The following PPP2R2C variants were observed in gnomAD, a reference collection of about 807,000 sequenced individuals.
The protein encoded by PPP2R2C is protein phosphatase 2, regulatory subunit B, gamma.
Under a neutral mutation model 45.3 loss-of-function variants are expected in PPP2R2C, and 10 were observed. The ratio of observed to expected loss-of-function variants is 0.22; its 90% CI spans 0.14 to 0.37. The LOEUF is 0.37. Ranked by LOEUF, PPP2R2C falls within the 10% of genes least tolerant of loss-of-function variation. The probability of loss-of-function intolerance (pLI) is 1.00; values close to 1 mark genes in which losing one functional copy is unlikely to be tolerated. For missense variants in PPP2R2C, 308 were observed against 619.7 expected (o/e 0.50, Z 5.34); for synonymous variants, 257 against 245.4 (o/e 1.05, Z -0.44).
At chr4:6,559,797 C>T (rs577253517) in intron 1 of PPP2R2C, among the ~76,000 whole-genome samples, 10 of 152,316 alleles carry the variant, frequency 6.6e-5, no homozygotes, top group South Asian at 2.1e-4. Flanking sequence ...GAATCCGCCA[C>T]GCCTTGATCT....
At chr4:6,357,181 G>T (rs1713280845) in intron 5 of PPP2R2C, among the ~76,000 whole-genome samples, 1 of 151,858 alleles carries the variant, frequency 6.6e-6, no homozygotes, top group South Asian at 2.1e-4. Context: ...TGTCATCTGA[G>T]GCTCAGGGAG....
At chr4:6,522,267 G>A (rs570490014) in intron 2 of PPP2R2C, among the ~76,000 whole-genome samples, 6 of 152,308 alleles carry the variant, frequency 3.9e-5, no homozygotes, top group African/African-American at 1.2e-4. Context: ...ACCCCAAAAT[G>A]TAAGTACCCA....
At chr4:6,355,460 T>G (rs913510815) in intron 5 of PPP2R2C, among the ~76,000 whole-genome samples, 1 of 150,438 alleles carries the variant, frequency 6.6e-6, no homozygotes, top group Non-Finnish European at 1.5e-5. Context: ...ATGGCACATG[T>G]ATACATATGT....
intron 5 of PPP2R2C, among the ~76,000 whole-genome samples, chr4:6,365,186 C>T (rs749346781): frequency 9.8e-5 from 15 of 152,298 alleles, no homozygotes; most frequent in Middle Eastern, 3.4e-3. Context: ...AGAAGACTCT[C>T]GGCCAATGCT....
chr4:6,512,542 GTGA>G (rs1723678002), intron 2 of PPP2R2C, among the ~76,000 whole-genome samples: 5 of 125,540 alleles, frequency 4.0e-5, no homozygotes, highest in Admixed American at 8.0e-5. Flanking sequence ...GGTGATGGTG[GTGA>G]TGGTGGTGAT....
chr4:6,460,091 C>G (rs1721248173), intron 1 of PPP2R2C, among the ~76,000 whole-genome samples: 1 of 152,186 alleles, frequency 6.6e-6, no homozygotes, highest in Non-Finnish European at 1.5e-5. Flanking sequence ...CTTTAAAATA[C>G]ATAGAAGAAG....
chr4:6,562,493 A>T (rs1725613373), intron 1 of PPP2R2C, among the ~76,000 whole-genome samples: 1 of 151,524 alleles, frequency 6.6e-6, no homozygotes, highest in African/African-American at 2.4e-5. Context: ...GATATTTGAA[A>T]GCTCTTGGAA....
At chr4:6,446,019 T>TGG (rs1230297798) in intron 1 of PPP2R2C, among the ~76,000 whole-genome samples, 1 of 152,248 alleles carries the variant, frequency 6.6e-6, no homozygotes, top group Non-Finnish European at 1.5e-5. Flanking sequence ...CACATGGGTG[T>TGG]GGGCTGTGAT....
At chr4:6,418,744 T>C (rs936403776) in intron 1 of PPP2R2C, among the ~76,000 whole-genome samples, 2 of 152,348 alleles carry the variant, frequency 1.3e-5, no homozygotes, top group Admixed American at 6.5e-5. Flanking sequence ...GAGGGAAGCA[T>C]AGAGGACTTG....
In PPP2R2C at chr4:6,321,530, A is replaced by G. The variant is rs776678007; in HGVS notation, c.*1772T>C. 3.3e-5 allele frequency: 5 copies of G among 152,472 alleles called. No individual in the cohort carries two copies. The highest frequency in any genetic ancestry group is 5.9e-5 in the Non-Finnish European group (4 of 68,040). 9.4% of individuals were successfully genotyped at this position (152,472 alleles called of 1,614,324 possible). A position where few individuals can be genotyped will look rare whatever the true frequency, so the allele number is the denominator to read the frequency against. ...TGATCCATTTCCCTGTGTAAATGTT[A>G]TATGGCCAGAAGTGAGTACACATGC... On this transcript the variant is annotated 3_prime_UTR_variant, in exon 9 of 9. Transcript: ENST00000382599.
At chr4:6,391,916 C>T (rs1231114378) in intron 1 of PPP2R2C, among the ~76,000 whole-genome samples, 1 of 152,236 alleles carries the variant, frequency 6.6e-6, no homozygotes, top group African/African-American at 2.4e-5. Context: ...CTCTCTGAGT[C>T]GATCTGTCCA....
intron 6 of PPP2R2C, among the ~76,000 whole-genome samples, chr4:6,341,688 C>A (rs2109205502): frequency 6.6e-6 from 1 of 152,184 alleles, no homozygotes; most frequent in South Asian, 2.1e-4. Context: ...CCAATGTCAT[C>A]ACAAGGGTCT....
In PPP2R2C at chr4:6,413,950, G is replaced by A. The variant is rs1386547513; in HGVS notation, c.71-32856C>T. The A allele has an allele frequency of 7.2e-6, 11 of 1,535,998 alleles. No individual in the cohort carries two copies. The Admixed American group carries it at 2.2e-4, about 30-fold the overall frequency. ...CGTCTTCGTTATACTCAATCAGAAT[G>A]AGGCTGCTCCCTGGTGGCTCTGCAG... On this transcript the variant is annotated intron_variant, in intron 1 of 8. Transcript: ENST00000382599.
chr4:6,457,973 C>T (rs927180702), intron 1 of PPP2R2C, among the ~76,000 whole-genome samples: 1 of 152,220 alleles, frequency 6.6e-6, no homozygotes, highest in Non-Finnish European at 1.5e-5. Context: ...TCCTCTGGGA[C>T]ATCTCCATGC....
intron 2 of PPP2R2C, among the ~76,000 whole-genome samples, chr4:6,504,853 A>C (rs981441317): frequency 6.6e-6 from 1 of 152,204 alleles, no homozygotes; most frequent in Non-Finnish European, 1.5e-5. Flanking sequence ...TTGTCAAAGA[A>C]GGTGACAAAA....
At position 6,375,939 on chromosome 4, in the gene PPP2R2C, A is replaced by C; in HGVS notation, c.335-8T>G. 2.5e-6 allele frequency: 4 copies of C among 1,599,928 alleles called. No homozygotes were observed. Among genetic ancestry groups the C allele is most frequent in the Non-Finnish European group, 3.4e-6 (4 of 1,167,796 alleles). On this transcript the variant is annotated splice_region_variant and splice_polypyrimidine_tract_variant and intron_variant, in intron 3 of 8. Coordinates refer to ENST00000382599, the MANE Select transcript of PPP2R2C (RefSeq NM_020416.4). ...ATAATTTGATAGTTTTATCTTTAAA[A>C]ACAGAACAAAATAAAGCGAGTCACA...
intron 2 of PPP2R2C, among the ~76,000 whole-genome samples, chr4:6,518,320 T>C (rs62286144): frequency 0.34 from 51,341 of 151,770 alleles, 9,425 homozygotes; most frequent in African/African-American, 0.43. Flanking sequence ...ATAAATAAAA[T>C]TGAAAACAAG....
chr4:6,462,676 G>C (rs16838891), intron 1 of PPP2R2C, among the ~76,000 whole-genome samples: 1 of 152,044 alleles, frequency 6.6e-6, no homozygotes, highest in Non-Finnish European at 1.5e-5. Context: ...AAATGGACCA[G>C]AATTTAGGTA....
At chr4:6,467,137 T>G (rs1344775221) in intron 1 of PPP2R2C, among the ~76,000 whole-genome samples, 2 of 152,174 alleles carry the variant, frequency 1.3e-5, no homozygotes, top group African/African-American at 4.8e-5. Context: ...GAAGCTTATG[T>G]AAGTGGCGTT....
Sources: gnomAD v4.1 joint callset for allele counts (sites outside exome capture counted in the v4.1 genomes callset) on GRCh38, gnomAD v4.1.1 for gene constraint, MANE v1.5 for transcripts, NCBI Gene and HGNC (gene_info 2026-07-23, HGNC 2026-07-21) for gene names.